Variants in COL3A1 observed in about 807,000 individuals in gnomAD.
COL3A1 encodes collagen alpha-1(III) chain.
In COL3A1, 46 loss-of-function variants were observed where a neutral mutation model predicts 200.9. That is an observed-to-expected ratio of 0.23 (90% confidence interval 0.18 to 0.29). The LOEUF (loss-of-function observed/expected upper bound fraction) is 0.29, where lower values mean the gene tolerates loss of function less well. COL3A1 is among the 10% of genes least tolerant of loss of function. The probability of loss-of-function intolerance (pLI) is 1.00; values close to 1 mark genes in which losing one functional copy is unlikely to be tolerated. For missense variants in COL3A1, 1,367 were observed against 1,917.6 expected, an observed-to-expected ratio of 0.71 and a Z score of 5.36; for synonymous variants, 650 against 628.0, an observed-to-expected ratio of 1.03 and a Z score of -0.52.
chr2:188,993,147 T>C (rs914377728), intron 15 of COL3A1, among the ~76,000 whole-genome samples: 2 of 152,170 alleles, frequency 1.3e-5, no homozygotes, highest in Admixed American at 1.3e-4. Context: ...CTTCTTTTTT[T>C]CCCCAGACTC....
At chr2:188,996,864 C>T in intron 24 of COL3A1, among the ~76,000 whole-genome samples, 1 of 152,082 alleles carries the variant, frequency 6.6e-6, no homozygotes, top group Non-Finnish European at 1.5e-5. Context: ...TGGCATGTGC[C>T]TGTAATCCTA....
intron 23 of COL3A1, 51 bp from the exon 24 acceptor site, chr2:188,996,347 C>T (rs1688318098): frequency 7.1e-7 from 1 of 1,404,112 alleles, no homozygotes; most frequent in African/African-American, 1.5e-5. Flanking sequence ...ATATAGCATG[C>T]TTTAATCTTC....
intron 38 of COL3A1, 50 bp from the exon 39 acceptor site, chr2:189,003,932 A>T (rs1445121390): frequency 6.4e-7 from 1 of 1,567,628 alleles, no homozygotes; most frequent in Non-Finnish European, 8.7e-7. Context: ...AAAGAAAGAA[A>T]AAATGCACTT....
chr2:188,987,036 A>G (rs770430688), intron 4 of COL3A1, 23 bp from the exon 5 acceptor site: 3 of 1,586,086 alleles, frequency 1.9e-6, no homozygotes, highest in Non-Finnish European at 2.6e-6. Context: ...AAATGATCAT[A>G]TCTATTTGTC....
chr2:189,004,629 T>C (rs902613519), intron 40 of COL3A1, among the ~76,000 whole-genome samples: 1 of 152,208 alleles, frequency 6.6e-6, no homozygotes, highest in Non-Finnish European at 1.5e-5. Context: ...ACACCTCTTT[T>C]AGGAAACTTG....
At chr2:188,975,276 GT>G (rs1476816759) in intron 1 of COL3A1, among the ~76,000 whole-genome samples, 1 of 152,128 alleles carries the variant, frequency 6.6e-6, no homozygotes, top group Non-Finnish European at 1.5e-5. Context: ...TTTTTAAAAT[GT>G]TTCAACAGGA....
intron 24 of COL3A1, among the ~76,000 whole-genome samples, 198 bp from the exon 25 acceptor site, chr2:188,996,967 C>T (rs908621043): frequency 1.3e-5 from 2 of 150,476 alleles, no homozygotes; most frequent in Non-Finnish European, 2.9e-5. Context: ...CCAGCCTGGG[C>T]GACAGAGCAA....
Position 189,007,096 on chromosome 2 carries a change from AATATATATATATATATATATAT to A in COL3A1, c.3255+129_3255+150del, listed in dbSNP as rs36195651. On this transcript the variant is annotated intron_variant, in intron 44 of 50. Coordinates refer to ENST00000304636, the MANE Select transcript of COL3A1 (RefSeq NM_000090.4). ...CCAGCGTGTTCAGGAAAAAAGAATG[AATATATATATATATATATATAT>A]ATATATATATATATATATATATTTG... is the stretch of plus-strand genomic sequence containing the variant. 242 of 229,862 alleles carry A rather than the reference AATATATATATATATATATATAT, an allele frequency of 1.1e-3. 3 individuals are homozygous for A. Among genetic ancestry groups the A allele is most frequent in the Middle Eastern group, 4.3e-3 (3 of 694 alleles). 14.2% of individuals were successfully genotyped at this position (229,862 alleles called of 1,614,324 possible).
Position 188,993,468 on chromosome 2 carries a change from C to G in COL3A1, c.1149+9C>G. 2 of 1,545,566 alleles carry G rather than the reference C, an allele frequency of 1.3e-6. No individual in the cohort carries two copies. Among genetic ancestry groups the G allele is most frequent in the Non-Finnish European group, 1.8e-6 (2 of 1,142,246 alleles). Reference sequence around the variant, plus strand: ...GTGCTCAAGGTCCTCCTGTAAGTATCATAGTTGAGAGGGAGTAAGCATAGT... The same window carrying G: ...GTGCTCAAGGTCCTCCTGTAAGTATGATAGTTGAGAGGGAGTAAGCATAGT... On this transcript the variant is annotated intron_variant, in intron 16 of 50. Coordinates refer to ENST00000304636, the MANE Select transcript of COL3A1 (RefSeq NM_000090.4).
Position 189,002,941 on chromosome 2 carries a change from G to A in COL3A1, c.2446-14G>A, listed in dbSNP as rs1688499553. The A allele has an allele frequency of 1.3e-6, 2 of 1,529,054 alleles. No homozygotes were observed. The highest frequency in any genetic ancestry group is 1.8e-6 in the Non-Finnish European group (2 of 1,126,396). The allele number at this position is 1,529,054 out of a possible 1,614,324, so 94.7% of individuals were successfully genotyped here. On this transcript the variant is annotated splice_polypyrimidine_tract_variant and intron_variant, in intron 35 of 50. Transcript: ENST00000304636. ...GAGTGTCAGCTGAGAGATTGCTGTT[G>A]TTGTTGCATGTAGGGACAGAATGGT...
rs1688504026 is a variant in COL3A1, at chr2:189,003,077, C to T, written c.2553+15C>T. The T allele has an allele frequency of 1.3e-6, 2 of 1,510,910 alleles. No individual in the cohort carries two copies. Among genetic ancestry groups the T allele is most frequent in the South Asian group, 1.2e-5 (1 of 83,162 alleles). 93.6% of individuals were successfully genotyped at this position (1,510,910 alleles called of 1,614,324 possible). A position where few individuals can be genotyped will look rare whatever the true frequency, so the allele number is the denominator to read the frequency against. Reference sequence around the variant, plus strand: ...CTGGACCTGCTGTAAGTTCCTTCCTCTTTCTCTGTCTATCTATCTATCATC... The same window carrying T: ...CTGGACCTGCTGTAAGTTCCTTCCTTTTTCTCTGTCTATCTATCTATCATC... On this transcript the variant is annotated intron_variant, in intron 36 of 50. Transcript: ENST00000304636.
chr2:188,999,197 G>T, intron 29 of COL3A1, 88 bp from the exon 30 acceptor site: 1 of 1,190,214 alleles, frequency 8.4e-7, no homozygotes, highest in Non-Finnish European at 1.2e-6. Context: ...TAATAACCTA[G>T]TGGCCTGATT....
Position 189,006,176 on chromosome 2 carries a change from A to G in COL3A1, c.3040-30A>G, listed in dbSNP as rs190606402. The stretch of plus-strand genomic sequence containing the variant: ...AATGGCATTTGGAAGGTTTCAAGAA[A>G]TTTTATTTCCTTTCTCATTTTTTAA... On this transcript the variant is annotated intron_variant, in intron 41 of 50. Coordinates refer to ENST00000304636, the MANE Select transcript of COL3A1 (RefSeq NM_000090.4). The G allele has an allele frequency of 1.5e-3, 2,466 of 1,612,964 alleles. 10 individuals are homozygous for G. Among genetic ancestry groups the G allele is most frequent in the Middle Eastern group, 6.9e-3 (42 of 6,056 alleles).
At chr2:189,002,875 T>C in intron 35 of COL3A1, 80 bp from the exon 36 acceptor site, 1 of 1,087,566 alleles carries the variant, frequency 9.2e-7, no homozygotes, top group African/African-American at 1.6e-5. Context: ...AAGAATTCTA[T>C]ATTCTGAAGA....
Position 188,997,207 on chromosome 2 carries a change from C to T in COL3A1, c.1804C>T (p.Pro602Ser). The change falls in exon 25 of 51, where the codon CCT becomes TCT. Residue 602 changes from proline to serine, a missense_variant. Pro to Ser is a moderately conservative substitution (Grantham distance 74). Transcript: ENST00000304636. Reference protein sequence around the residue: ...KNGERGGPGGPGPQGPPGKNG... With the variant: ...KNGERGGPGGSGPQGPPGKNG... ...TGGAGAACGAGGTGGCCCTGGAGGA[C>T]CTGGCCCTCAGGTACGTAGCTTTCC... is the stretch of plus-strand genomic sequence containing the variant. 6.2e-7 allele frequency: 1 copy of T among 1,613,996 alleles called. No individual in the cohort carries two copies. Among genetic ancestry groups the T allele is most frequent in the Non-Finnish European group, 8.5e-7 (1 of 1,180,000 alleles).
chr2:189,011,980 TA>T lies in COL3A1; in HGVS notation c.*207del, dbSNP rs1688740149. ...AATACAATTCAAATGCTTTTTGTTT[TA>T]TTTTTTTACCAATTCCAATTTCAAA... is the stretch of plus-strand genomic sequence containing the variant. On this transcript the variant is annotated 3_prime_UTR_variant, in exon 51 of 51. Coordinates refer to ENST00000304636, the MANE Select transcript of COL3A1 (RefSeq NM_000090.4). 9.9e-6 allele frequency: 6 copies of T among 607,224 alleles called. No homozygotes were observed. The highest frequency in any genetic ancestry group is 8.1e-5 in the South Asian group (4 of 49,476). 37.6% of individuals were successfully genotyped at this position (607,224 alleles called of 1,614,324 possible). A position where few individuals can be genotyped will look rare whatever the true frequency, so the allele number is the denominator to read the frequency against.
At chr2:188,976,030 C>T (rs1270455874) in intron 1 of COL3A1, among the ~76,000 whole-genome samples, 1 of 151,824 alleles carries the variant, frequency 6.6e-6, no homozygotes, top group Non-Finnish European at 1.5e-5. Flanking sequence ...CCCTTTCTTT[C>T]CCCTGAACTC....
At chr2:188,992,502 T>G (rs1263203925) in intron 14 of COL3A1, among the ~76,000 whole-genome samples, 1 of 152,232 alleles carries the variant, frequency 6.6e-6, no homozygotes, top group East Asian at 1.9e-4. Context: ...TCATTCTGCT[T>G]GATCAACTGC....
intron 1 of COL3A1, among the ~76,000 whole-genome samples, chr2:188,977,712 T>C (rs535170616): frequency 5.3e-5 from 8 of 152,180 alleles, no homozygotes; most frequent in African/African-American, 1.9e-4. Flanking sequence ...AGAATACACA[T>C]TAAAATCAGA....
Sources: gnomAD v4.1 joint callset for allele counts (sites outside exome capture counted in the v4.1 genomes callset) on GRCh38, gnomAD v4.1.1 for gene constraint, MANE v1.5 for transcripts, NCBI Gene and HGNC (gene_info 2026-07-23, HGNC 2026-07-21) for gene names.